Variants in WDFY3 observed in about 807,000 individuals in gnomAD.
WDFY3 encodes WD repeat and FYVE domain-containing protein 3.
Under a neutral mutation model 409.6 loss-of-function variants are expected in WDFY3, and 66 were observed. The ratio of observed to expected loss-of-function variants is 0.16; its 90% CI spans 0.13 to 0.20. The LOEUF (loss-of-function observed/expected upper bound fraction) is 0.20, where lower values mean the gene tolerates loss of function less well. WDFY3 is among the 10% of genes least tolerant of loss of function. The pLI, the probability that WDFY3 is intolerant of heterozygous loss-of-function variation, is 1.00. For missense variants in WDFY3, 3,031 were observed against 4,298.1 expected, an observed-to-expected ratio of 0.71 and a Z score of 8.24; for synonymous variants, 1,521 against 1,537.1, an observed-to-expected ratio of 0.99 and a Z score of 0.25.
chr4:84,830,485 A>C (rs112951478), intron 8 of WDFY3, among the ~76,000 whole-genome samples: 2 of 152,334 alleles, frequency 1.3e-5, no homozygotes, highest in African/African-American at 4.8e-5. Flanking sequence ...TAAGTGTATT[A>C]AATGCGTTTT....
intron 47 of WDFY3, among the ~76,000 whole-genome samples, chr4:84,720,926 G>C (rs1389399479): frequency 6.6e-6 from 1 of 152,172 alleles, no homozygotes; most frequent in African/African-American, 2.4e-5. Flanking sequence ...AGACCAGAGA[G>C]GTCAGCAGGG....
intron 26 of WDFY3, 36 bp downstream of exon 26, chr4:84,780,072 C>T: frequency 6.6e-7 from 1 of 1,515,782 alleles, no homozygotes; most frequent in Non-Finnish European, 8.8e-7. Flanking sequence ...TTTTAGGTGC[C>T]AGGTGAAGTG....
intron 2 of WDFY3, among the ~76,000 whole-genome samples, chr4:84,922,962 C>T (rs530777712): frequency 3.9e-5 from 6 of 152,294 alleles, no homozygotes; most frequent in East Asian, 3.9e-4. Flanking sequence ...AGCTAAAAAT[C>T]GAAGTGTTTG....
chr4:84,890,889 C>T (rs2150507729), intron 3 of WDFY3, among the ~76,000 whole-genome samples: 2 of 151,990 alleles, frequency 1.3e-5, no homozygotes, highest in East Asian at 3.9e-4. Flanking sequence ...TAAAGCAATC[C>T]TCCTCCCACT....
At chr4:84,943,843 C>T (rs1365562764) in intron 1 of WDFY3, among the ~76,000 whole-genome samples, 3 of 152,148 alleles carry the variant, frequency 2.0e-5, no homozygotes, top group Non-Finnish European at 2.9e-5. Flanking sequence ...CAGTCATGAG[C>T]CATTCATTGT....
At position 84,702,333 on chromosome 4, in the gene WDFY3, A is replaced by C. The variant is rs1482510803; in HGVS notation, c.8596+20T>G. The C allele has an allele frequency of 1.3e-6, 2 of 1,579,574 alleles. No individual in the cohort carries two copies. Among genetic ancestry groups the C allele is most frequent in the Non-Finnish European group, 1.7e-6 (2 of 1,164,880 alleles). ...TTTTCCTGGCTAACATTCCTAAGAC[A>C]GTGCCATAGCTCTACGTACCTAGAT... On this transcript the variant is annotated intron_variant, in intron 56 of 67. Coordinates refer to ENST00000295888, the MANE Select transcript of WDFY3 (RefSeq NM_014991.6).
At chr4:84,923,842 T>C (rs936594999) in intron 2 of WDFY3, among the ~76,000 whole-genome samples, 25 of 152,080 alleles carry the variant, frequency 1.6e-4, no homozygotes, top group African/African-American at 5.8e-4. Flanking sequence ...CTACTAAAAA[T>C]ACAAAAATTA....
chr4:84,770,590 G>A (rs1744511179), intron 30 of WDFY3, among the ~76,000 whole-genome samples: 1 of 152,140 alleles, frequency 6.6e-6, no homozygotes, highest in African/African-American at 2.4e-5. Flanking sequence ...CAATGTACCT[G>A]TAAACTGTCC....
chr4:84,921,895 T>C (rs911309523), intron 2 of WDFY3, among the ~76,000 whole-genome samples: 2 of 151,926 alleles, frequency 1.3e-5, no homozygotes, highest in Non-Finnish European at 2.9e-5. Context: ...GACCTCGTGA[T>C]CCACCTGCCT....
At chr4:84,792,202 T>C (rs1048016454) in intron 21 of WDFY3, among the ~76,000 whole-genome samples, 1 of 152,228 alleles carries the variant, frequency 6.6e-6, no homozygotes, top group Non-Finnish European at 1.5e-5. Context: ...TATTTTAGAA[T>C]GGCAATTCAG....
At chr4:84,687,966 C>T in intron 62 of WDFY3, 120 bp downstream of exon 62, 1 of 1,073,444 alleles carries the variant, frequency 9.3e-7, no homozygotes, top group Admixed American at 2.1e-5. Context: ...ACTAATCCTC[C>T]TGCGGTAGCC....
At chr4:84,795,583 G>A (rs775459558) in intron 19 of WDFY3, among the ~76,000 whole-genome samples, 2 of 152,094 alleles carry the variant, frequency 1.3e-5, no homozygotes, top group African/African-American at 2.4e-5. Context: ...CCACTATGGC[G>A]AAACCCCATC....
rs369355412 is a variant in WDFY3, at chr4:84,803,147, A to G, written c.2607+143T>C. 1.6e-5 allele frequency: 14 copies of G among 874,138 alleles called. No homozygotes were observed. The African/African-American group carries it at 2.4e-4, about 15-fold the overall frequency. The allele number at this position is 874,138 out of a possible 1,614,324, so 54.1% of individuals were successfully genotyped here. ...TTATCATGAAAGGTAACACTCAAAT[A>G]AAAAAATCCTTTTTTTTCCCCTTCA... On this transcript the variant is annotated intron_variant, in intron 16 of 67. Transcript: ENST00000295888.
At position 84,671,997 on chromosome 4, in the gene WDFY3, T is replaced by G. The variant is rs1328924540; in HGVS notation, c.*871A>C. Reference sequence around the variant, plus strand: ...TACACTGGTCATCTGACCACCTTTCTGCAATGCTAAGAAGGTATTCTTTGA... The same window carrying G: ...TACACTGGTCATCTGACCACCTTTCGGCAATGCTAAGAAGGTATTCTTTGA... On this transcript the variant is annotated 3_prime_UTR_variant, in exon 68 of 68. Coordinates refer to ENST00000295888, the MANE Select transcript of WDFY3 (RefSeq NM_014991.6). The G allele has an allele frequency of 2.0e-5, 3 of 152,250 alleles. No individual in the cohort carries two copies. Among genetic ancestry groups the G allele is most frequent in the Non-Finnish European group, 4.4e-5 (3 of 68,046 alleles). The allele number at this position is 152,250 out of a possible 1,614,324, so 9.4% of individuals were successfully genotyped here. A position where few individuals can be genotyped will look rare whatever the true frequency, so the allele number is the denominator to read the frequency against.
At chr4:84,772,536 T>C (rs2149432131) in intron 30 of WDFY3, among the ~76,000 whole-genome samples, 1 of 152,222 alleles carries the variant, frequency 6.6e-6, no homozygotes, top group South Asian at 2.1e-4. Flanking sequence ...AATCAAATAA[T>C]GTTCAAATCA....
chr4:84,831,316 C>A, intron 8 of WDFY3, 97 bp downstream of exon 8: 1 of 957,864 alleles, frequency 1.0e-6, no homozygotes, highest in Non-Finnish European at 1.4e-6. Context: ...TTTTAAAGAA[C>A]AAGCTTTAGA....
chr4:84,861,354 C>A (rs1027941173), intron 3 of WDFY3, among the ~76,000 whole-genome samples: 1 of 152,078 alleles, frequency 6.6e-6, no homozygotes, highest in Non-Finnish European at 1.5e-5. Flanking sequence ...CAAAACCTCA[C>A]AAAATTTTCT....
intron 5 of WDFY3, among the ~76,000 whole-genome samples, chr4:84,844,820 T>A (rs1411282224): frequency 6.6e-6 from 1 of 152,218 alleles, no homozygotes; most frequent in East Asian, 1.9e-4. Flanking sequence ...AATCTTAAGA[T>A]ACACCCTCTA....
intron 7 of WDFY3, among the ~76,000 whole-genome samples, chr4:84,834,494 A>C (rs960981222): frequency 1.1e-4 from 17 of 151,844 alleles, no homozygotes; most frequent in East Asian, 9.7e-4. Context: ...TAAAAACAAA[A>C]AAAAAAAACT....
Sources: allele counts gnomAD v4.1 joint callset (sites outside exome capture counted in the v4.1 genomes callset), GRCh38; gene constraint gnomAD v4.1.1; transcripts MANE v1.5; gene names NCBI Gene and HGNC (gene_info 2026-07-23, HGNC 2026-07-21).